The following CYB5RL variants were observed in gnomAD, a reference collection of about 807,000 sequenced individuals.
CYB5RL encodes cytochrome b5 reductase like.
A neutral mutation model predicts 37.5 loss-of-function variants in CYB5RL; 38 were observed. The observed-to-expected ratio is 1.01, with a 90% CI of 0.78 to 1.33. CYB5RL has a LOEUF of 1.33. Among genes scored for constraint, CYB5RL ranks in the 40% most tolerant of loss-of-function variants. The pLI, the probability that CYB5RL is intolerant of heterozygous loss-of-function variation, is 0.00. For synonymous variants in CYB5RL, 141 were observed against 151.9 expected, an observed-to-expected ratio of 0.93 and a Z score of 0.53; for missense variants, 388 against 394.4, an observed-to-expected ratio of 0.98 and a Z score of 0.14.
chr1:54,199,665 G>C (rs866517560), intron 1 of CYB5RL, among the ~76,000 whole-genome samples: 10 of 152,180 alleles, frequency 6.6e-5, no homozygotes, highest in Non-Finnish European at 1.2e-4. Context: ...AATCCAGAGG[G>C]AAAGGAAAAG....
intron 3 of CYB5RL, among the ~76,000 whole-genome samples, chr1:54,195,036 T>C (rs1414554621): frequency 2.6e-5 from 4 of 152,208 alleles, no homozygotes; most frequent in Non-Finnish European, 5.9e-5. Flanking sequence ...GAATAAACTA[T>C]AGCTAGTTTA....
rs764934556 is a variant in CYB5RL at position 54,174,743 on chromosome 1, T to A, written c.824A>T (p.Glu275Val). ...FGHLGQDLIK[E>V]LVSCCRRKPF... ...CTTTCTCCGACAGCAGCTGACCAGC[T>A]CTTTAATTAGGTCCTGGCCCAGGTG... Residue 275 changes from glutamate to valine, a missense_variant, in exon 8 of 8, where the codon GAG becomes GTG. Physicochemically the swap from Glu to Val is moderately radical, Grantham distance 121. Coordinates refer to ENST00000534324, the MANE Select transcript of CYB5RL (RefSeq NM_001031672.4). The A allele has an allele frequency of 1.2e-6, 2 of 1,613,996 alleles. No individual in the cohort carries two copies. Among genetic ancestry groups the A allele is most frequent in the South Asian group, 2.2e-5 (2 of 91,080 alleles).
At chr1:54,195,205 G>T (rs1418330721) in intron 3 of CYB5RL, among the ~76,000 whole-genome samples, 1 of 152,180 alleles carries the variant, frequency 6.6e-6, no homozygotes, top group Non-Finnish European at 1.5e-5. Context: ...TTTTACAGAT[G>T]GGGAAACTAA....
rs944287586 is a variant in CYB5RL at position 54,171,026 on chromosome 1, C to T, written c.*3593G>A. The T allele has an allele frequency of 1.9e-5, 8 of 413,530 alleles. No homozygotes were observed. The highest frequency in any genetic ancestry group is 1.7e-4 in the Admixed American group (7 of 40,480). 25.6% of individuals were successfully genotyped at this position (413,530 alleles called of 1,614,324 possible). On this transcript the variant is annotated 3_prime_UTR_variant, in exon 8 of 8. Coordinates refer to ENST00000534324, the MANE Select transcript of CYB5RL (RefSeq NM_001031672.4). ...CCTGTTAGGGGTACAATGGGCCGGC[C>T]CTCATGCTCACATGCAGATGACACT... is the stretch of plus-strand genomic sequence containing the variant.
At chr1:54,187,181 A>G (rs1445605900) in intron 5 of CYB5RL, among the ~76,000 whole-genome samples, 1 of 151,876 alleles carries the variant, frequency 6.6e-6, no homozygotes, top group Non-Finnish European at 1.5e-5. Context: ...TGTTCATCTC[A>G]TATCTGCCAA....
chr1:54,195,339 C>T, intron 3 of CYB5RL, 80 bp downstream of exon 3: 2 of 1,407,186 alleles, frequency 1.4e-6, no homozygotes, highest in Non-Finnish European at 1.9e-6. Context: ...TCAGGGAAGG[C>T]TTCCTAGAGG....
intron 6 of CYB5RL, chr1:54,180,267 C>T (rs973032752): frequency 7.6e-6 from 3 of 394,532 alleles, no homozygotes; most frequent in Non-Finnish European, 1.5e-5. Context: ...AGTTCCCACC[C>T]CAGGAGGTCC....
At chr1:54,179,110 A>G (rs1275139734) in intron 7 of CYB5RL, 39 bp downstream of exon 7, 1 of 1,587,562 alleles carries the variant, frequency 6.3e-7, no homozygotes, top group South Asian at 1.2e-5. Flanking sequence ...GGGACAGCAG[A>G]GTCTCAATCA....
At chr1:54,197,744 G>T (rs568378171) in intron 1 of CYB5RL, among the ~76,000 whole-genome samples, 106 of 152,212 alleles carry the variant, frequency 7.0e-4, no homozygotes, top group African/African-American at 2.5e-3. Flanking sequence ...TGCCTTGGCT[G>T]GGTGCGGTGG....
chr1:54,186,758 C>T (rs775853141), intron 5 of CYB5RL, among the ~76,000 whole-genome samples: 14 of 151,298 alleles, frequency 9.3e-5, no homozygotes, highest in South Asian at 2.1e-4. Context: ...CGGGCTCAGA[C>T]GGCAGGTAGG....
intron 3 of CYB5RL, among the ~76,000 whole-genome samples, chr1:54,194,242 T>A (rs1643984672): frequency 1.3e-5 from 2 of 151,592 alleles, no homozygotes; most frequent in African/African-American, 4.8e-5. Context: ...TGGTGGCACA[T>A]GCCTGTAATC....
chr1:54,186,918 T>A (rs1245535612), intron 5 of CYB5RL, among the ~76,000 whole-genome samples: 2 of 152,000 alleles, frequency 1.3e-5, no homozygotes, highest in African/African-American at 4.8e-5. Flanking sequence ...TCATGTCTTA[T>A]AACATAGATT....
intron 4 of CYB5RL, 68 bp from the exon 5 acceptor site, chr1:54,187,807 G>T: frequency 7.2e-7 from 1 of 1,398,386 alleles, no homozygotes; most frequent in Non-Finnish European, 1.0e-6. Context: ...TGGGCACGGT[G>T]GCTCATGTCT....
chr1:54,177,057 G>C (rs1173614772), intron 7 of CYB5RL, among the ~76,000 whole-genome samples: 4 of 152,348 alleles, frequency 2.6e-5, no homozygotes, highest in Non-Finnish European at 4.4e-5. Flanking sequence ...ACAGCTCACG[G>C]GGAGGGCGGG....
chr1:54,171,354 A>G lies in CYB5RL; in HGVS notation c.*3265T>C. On this transcript the variant is annotated 3_prime_UTR_variant, in exon 8 of 8. Transcript: ENST00000534324. ...AGCAGAGAGGCCCTACCCCAAGGCC[A>G]CAGGGAGACAGGGAAGGATTTCAAG... 2.2e-6 allele frequency: 1 copy of G among 456,384 alleles called. No individual in the cohort carries two copies. The highest frequency in any genetic ancestry group is 1.5e-5 in the South Asian group (1 of 64,554). The allele number at this position is 456,384 out of a possible 1,614,324, so 28.3% of individuals were successfully genotyped here.
At position 54,184,299 on chromosome 1, in the gene CYB5RL, A is replaced by G. The variant is rs767333556; in HGVS notation, c.436-34T>C. 1.6e-5 allele frequency: 25 copies of G among 1,576,414 alleles called. No homozygotes were observed. In the Middle Eastern group the frequency reaches 1.0e-3, roughly 63 times the overall value. On this transcript the variant is annotated intron_variant, in intron 5 of 7. Coordinates refer to ENST00000534324, the MANE Select transcript of CYB5RL (RefSeq NM_001031672.4). ...AAACACAGGGAGACGTCAGCGGGACAGGTACATGCTGCCAACACAAACCAG... is the reference window on the plus strand; with the variant it reads ...AAACACAGGGAGACGTCAGCGGGACGGGTACATGCTGCCAACACAAACCAG...
intron 3 of CYB5RL, among the ~76,000 whole-genome samples, chr1:54,194,344 T>C (rs1324261363): frequency 6.6e-6 from 1 of 151,082 alleles, no homozygotes; most frequent in Non-Finnish European, 1.5e-5. Context: ...CACCCCAGCC[T>C]GGGCAACAAG....
At position 54,174,591 on chromosome 1, in the gene CYB5RL, G is replaced by A. The variant is rs771042809; in HGVS notation, c.*28C>T. On this transcript the variant is annotated 3_prime_UTR_variant, in exon 8 of 8. Coordinates refer to ENST00000534324, the MANE Select transcript of CYB5RL (RefSeq NM_001031672.4). ...TCCTGGGTCCCAGTAGCAGGCTCAT[G>A]GCCTAGGCTTTGGAAGAGAGGCCAG... The A allele has an allele frequency of 2.5e-6, 4 of 1,585,420 alleles. No individual in the cohort carries two copies. Among genetic ancestry groups the A allele is most frequent in the African/African-American group, 1.3e-5 (1 of 74,248 alleles).
rs201290519 is a variant in CYB5RL, at chr1:54,184,187, C to G, written c.514G>C (p.Gly172Arg). 5 of 1,613,498 alleles carry G rather than the reference C, an allele frequency of 3.1e-6. No homozygotes were observed. The highest frequency in any genetic ancestry group is 4.2e-6 in the Non-Finnish European group (5 of 1,179,746). Residue 172 changes from glycine to arginine, a missense_variant, in exon 6 of 8, where the codon GGA becomes CGA. Physicochemically the swap from Gly to Arg is moderately radical, Grantham distance 125. Coordinates refer to ENST00000534324, the MANE Select transcript of CYB5RL (RefSeq NM_001031672.4). Reference sequence around the variant, plus strand: ...TGGTTTGGTTTATAGAAGAAATCTCCGAAAGGTCCTCGCCAGAAAGCTGTG... The same window carrying G: ...TGGTTTGGTTTATAGAAGAAATCTCGGAAAGGTCCTCGCCAGAAAGCTGTG... ...GDTAFWRGPFGDFFYKPNQYG... is the reference protein window; with the variant it reads ...GDTAFWRGPFRDFFYKPNQYG...
Sources: allele counts gnomAD v4.1 joint callset (sites outside exome capture counted in the v4.1 genomes callset), GRCh38; gene constraint gnomAD v4.1.1; transcripts MANE v1.5; gene names NCBI Gene and HGNC (gene_info 2026-07-23, HGNC 2026-07-21).